Variants in GLS observed in about 807,000 individuals in gnomAD.
GLS encodes glutaminase kidney isoform, mitochondrial.
In GLS, 36 loss-of-function variants were observed where a neutral mutation model predicts 86.7. The observed-to-expected ratio is 0.42, with a 90% confidence interval of 0.32 to 0.55. The LOEUF (loss-of-function observed/expected upper bound fraction) is 0.55, where lower values mean the gene tolerates loss of function less well. GLS is among the 20% of genes least tolerant of loss of function. The pLI is 0.17. For missense variants in GLS, 528 were observed against 833.4 expected (o/e 0.63, Z 4.51); for synonymous variants, 317 against 305.9 (o/e 1.04, Z -0.38).
At position 190,880,854 on chromosome 2, in the gene GLS, G is replaced by C. The variant is rs1351233349; in HGVS notation, c.-231G>C. 1.6e-5 allele frequency: 13 copies of C among 816,550 alleles called. No individual in the cohort carries two copies. The highest frequency in any genetic ancestry group is 7.3e-5 in the South Asian group (5 of 68,216). The allele number at this position is 816,550 out of a possible 1,614,324, so 50.6% of individuals were successfully genotyped here. A position where few individuals can be genotyped will look rare whatever the true frequency, so the allele number is the denominator to read the frequency against. On this transcript the variant is annotated 5_prime_UTR_variant, in exon 1 of 18. Transcript: ENST00000320717. ...GCCTTAGGCGGAGCGAAGAGAACCG[G>C]TCGCGGCAATCCTAGCGCGCAGCAG...
intron 7 of GLS, among the ~76,000 whole-genome samples, chr2:190,915,290 G>A (rs970606678): frequency 5.9e-5 from 9 of 151,588 alleles, no homozygotes; most frequent in Non-Finnish European, 1.5e-5. Context: ...GTGAGCCACC[G>A]CGCCCGGCCT....
intron 1 of GLS, among the ~76,000 whole-genome samples, chr2:190,884,470 G>T (rs1009165922): frequency 3.9e-5 from 6 of 152,222 alleles, no homozygotes; most frequent in Middle Eastern, 6.3e-3. Context: ...GATCTGGAAT[G>T]AGCATTATAT....
chr2:190,904,617 C>T (rs1468898502), intron 5 of GLS, among the ~76,000 whole-genome samples: 1 of 152,118 alleles, frequency 6.6e-6, no homozygotes, highest in African/African-American at 2.4e-5. Context: ...CATGTACAGA[C>T]ATTTTTTCCT....
Position 190,913,165 on chromosome 2 carries a change from T to G in GLS, c.1038+2844T>G. 1 of 1,297,126 alleles carries G rather than the reference T, an allele frequency of 7.7e-7. No individual in the cohort carries two copies. Among genetic ancestry groups the G allele is most frequent in the Non-Finnish European group, 1.0e-6 (1 of 982,496 alleles). The allele number at this position is 1,297,126 out of a possible 1,614,324, so 80.4% of individuals were successfully genotyped here. ...TAGTAAGACTCTTGATTTCATAATT[T>G]TGTAGTATTGATATTTTTTCCTTGT... On this transcript the variant is annotated intron_variant, in intron 7 of 17. Coordinates refer to ENST00000320717, the MANE Select transcript of GLS (RefSeq NM_014905.5). This position sits in a 1 kb window ranked among gnomAD's most constrained non-coding sequence, Gnocchi z 6.1.
chr2:190,950,445 C>CT (rs1690690227), intron 14 of GLS, among the ~76,000 whole-genome samples: 1 of 152,142 alleles, frequency 6.6e-6, no homozygotes. Flanking sequence ...GGATTCCAAA[C>CT]ATATTTTGCA....
rs887225150 is a variant in GLS at position 190,949,224 on chromosome 2, A to G, written c.1651-4341A>G. 6.6e-6 allele frequency among the ~76,000 whole-genome samples: 1 copy of G among 152,190 alleles called. No individual in the cohort carries two copies. Among genetic ancestry groups the G allele is most frequent in the African/African-American group, 2.4e-5 (1 of 41,444 alleles). Reference sequence around the variant, plus strand: ...CTGAAGAACTTAAATGTTATCAGGAATGATTTTGGGTTTCTTGATACTCCG... The same window carrying G: ...CTGAAGAACTTAAATGTTATCAGGAGTGATTTTGGGTTTCTTGATACTCCG... On this transcript the variant is annotated intron_variant, in intron 14 of 17. Transcript: ENST00000320717. The surrounding 1 kb of genome is among the most constrained non-coding windows in gnomAD (Gnocchi z 4.0).
At position 190,905,295 on chromosome 2, in the gene GLS, A is replaced by G. The variant is rs1689093931; in HGVS notation, c.979+128A>G. 3 of 614,456 alleles carry G rather than the reference A, an allele frequency of 4.9e-6. No individual in the cohort carries two copies. In the South Asian group the frequency reaches 6.5e-5, roughly 13 times the overall value. 38.1% of individuals were successfully genotyped at this position (614,456 alleles called of 1,614,324 possible). A position where few individuals can be genotyped will look rare whatever the true frequency, so the allele number is the denominator to read the frequency against. ...CATGTGATTTCTATATAATCCATTG[A>G]GAGAGTTTCATCACCTACTTTTAAA... On this transcript the variant is annotated intron_variant, in intron 6 of 17. Transcript: ENST00000320717. This position sits in a 1 kb window ranked among gnomAD's most constrained non-coding sequence, Gnocchi z 4.6.
chr2:190,959,115 C>T (rs999091730), intron 17 of GLS, among the ~76,000 whole-genome samples: 4 of 152,144 alleles, frequency 2.6e-5, no homozygotes, highest in Non-Finnish European at 5.9e-5. Context: ...GTATTGGGTG[C>T]ATATATATTT....
chr2:190,930,128 G>A lies in GLS; in HGVS notation c.1426-309G>A, dbSNP rs1043566775. Among the ~76,000 whole-genome samples, 2 of 150,922 alleles carry A rather than the reference G, an allele frequency of 1.3e-5. No homozygotes were observed. Among genetic ancestry groups the A allele is most frequent in the African/African-American group, 4.9e-5 (2 of 40,936 alleles). ...GTCATCCAGGCTGGAGTGCAGTGGT[G>A]CGATCATGGCTCACTGTAGCCTTGA... On this transcript the variant is annotated intron_variant, in intron 12 of 17. Coordinates refer to ENST00000320717, the MANE Select transcript of GLS (RefSeq NM_014905.5). This position sits in a 1 kb window ranked among gnomAD's most constrained non-coding sequence, Gnocchi z 5.0.
At chr2:190,896,894 A>C (rs948439118) in intron 3 of GLS, among the ~76,000 whole-genome samples, 1 of 152,192 alleles carries the variant, frequency 6.6e-6, no homozygotes, top group Non-Finnish European at 1.5e-5. Context: ...CTGTCTGCAC[A>C]ATATTCTGAT....
chr2:190,893,884 T>C lies in GLS; in HGVS notation c.387-1268T>C, dbSNP rs544435945. Among the ~76,000 whole-genome samples, 9 of 152,272 alleles carry C rather than the reference T, an allele frequency of 5.9e-5. No individual in the cohort carries two copies. The East Asian group carries it at 1.7e-3, about 29-fold the overall frequency. ...ATAGGCGTGAGCTGCCACGCCCAGCTTCAAATGCATTTTTAGAAGTTGTCT... is the reference window on the plus strand; with the variant it reads ...ATAGGCGTGAGCTGCCACGCCCAGCCTCAAATGCATTTTTAGAAGTTGTCT... On this transcript the variant is annotated intron_variant, in intron 1 of 17. Coordinates refer to ENST00000320717, the MANE Select transcript of GLS (RefSeq NM_014905.5).
In GLS at chr2:190,938,625, A is replaced by C. The variant is rs774858686; in HGVS notation, c.1650+6988A>C. 2.6e-5 allele frequency among the ~76,000 whole-genome samples: 4 copies of C among 151,650 alleles called. No homozygotes were observed. The highest frequency in any genetic ancestry group is 9.6e-5 in the African/African-American group (4 of 41,482). The stretch of plus-strand genomic sequence containing the variant: ...CTAGCACTTTGCTTTTTCTATTAGC[A>C]TATTTAGATTTTTTTCTCTTGAGGG... On this transcript the variant is annotated intron_variant, in intron 14 of 17. Transcript: ENST00000320717. This position sits in a 1 kb window ranked among gnomAD's most constrained non-coding sequence, Gnocchi z 4.1.
chr2:190,950,233 G>T (rs996073927), intron 14 of GLS, among the ~76,000 whole-genome samples: 1 of 152,090 alleles, frequency 6.6e-6, no homozygotes, highest in Non-Finnish European at 1.5e-5. Flanking sequence ...AGAGTGGTAG[G>T]AATGATATGT....
rs1447356378 is a variant in GLS, at chr2:190,962,716, CT to C, written c.1854-113del. On this transcript the variant is annotated intron_variant, in intron 17 of 17. Coordinates refer to ENST00000320717, the MANE Select transcript of GLS (RefSeq NM_014905.5). This position sits in a 1 kb window ranked among gnomAD's most constrained non-coding sequence, Gnocchi z 4.2. ...TTATTAATTTTTATTTGTAAAATTG[CT>C]AAAATAGCTAAATTTGGCCATTTAA... 3.7e-5 allele frequency: 20 copies of C among 537,306 alleles called. No homozygotes were observed. The Admixed American group carries it at 7.3e-4, about 20-fold the overall frequency. 33.3% of individuals were successfully genotyped at this position (537,306 alleles called of 1,614,324 possible). A position where few individuals can be genotyped will look rare whatever the true frequency, so the allele number is the denominator to read the frequency against.
At chr2:190,894,258 T>C (rs1489593287) in intron 1 of GLS, among the ~76,000 whole-genome samples, 3 of 152,216 alleles carry the variant, frequency 2.0e-5, no homozygotes, top group Admixed American at 6.5e-5. Flanking sequence ...TATCCTCCCA[T>C]ATATTTTAAA....
chr2:190,928,438 G>A (rs987493553), intron 12 of GLS, among the ~76,000 whole-genome samples: 4 of 150,836 alleles, frequency 2.7e-5, no homozygotes, highest in Non-Finnish European at 5.9e-5. Context: ...GAGTTCCAGC[G>A]ATTCTCCTGC....
intron 11 of GLS, among the ~76,000 whole-genome samples, chr2:190,925,427 G>C (rs1689867305): frequency 3.3e-5 from 5 of 152,124 alleles, no homozygotes; most frequent in Admixed American, 3.3e-4. Context: ...GAGAGGGACC[G>C]TGTTACGCAC....
rs78015152 is a variant in GLS, at chr2:190,902,715, G to A, written c.815+689G>A. 5.7e-3 allele frequency among the ~76,000 whole-genome samples: 875 copies of A among 152,286 alleles called. 20 individuals carry two copies. Among genetic ancestry groups the A allele is most frequent in the East Asian group, 0.052 (272 of 5,194 alleles). On this transcript the variant is annotated intron_variant, in intron 5 of 17. Transcript: ENST00000320717. ...AGAATGACCGTGTTCATTGTGCTGG[G>A]AATTAGACATAAAGATTGTTATCAT...
chr2:190,899,064 A>G (rs984358274), intron 3 of GLS, among the ~76,000 whole-genome samples: 3 of 152,222 alleles, frequency 2.0e-5, no homozygotes, highest in African/African-American at 7.2e-5. Flanking sequence ...TTTGTTGTAG[A>G]TATAAATACT....
Sources: allele counts gnomAD v4.1 joint callset (sites outside exome capture counted in the v4.1 genomes callset), GRCh38; gene constraint gnomAD v4.1.1; non-coding constraint Gnocchi (gnomAD v3.1); transcripts MANE v1.5; gene names NCBI Gene and HGNC (gene_info 2026-07-23, HGNC 2026-07-21).